Variants in ESF1 observed in about 807,000 individuals in gnomAD.
ESF1 encodes the protein ESF1 homolog.
In ESF1, 58 loss-of-function variants were observed where a neutral mutation model predicts 92.0. The ratio of observed to expected loss-of-function variants is 0.63; its 90% CI spans 0.51 to 0.78. The LOEUF is 0.78. Among genes scored for constraint, ESF1 ranks in the 30% least tolerant of loss-of-function variants. The pLI is 0.00. For missense variants in ESF1, 922 were observed against 989.1 expected, an observed-to-expected ratio of 0.93 and a Z score of 0.91; for synonymous variants, 321 against 313.7, an observed-to-expected ratio of 1.02 and a Z score of -0.24.
intron 9 of ESF1, among the ~76,000 whole-genome samples, chr20:13,752,413 C>T (rs1282831930): frequency 1.3e-5 from 2 of 152,162 alleles, no homozygotes; most frequent in Non-Finnish European, 2.9e-5. Flanking sequence ...TTTTTAAGTT[C>T]AGGTTTTCCA....
intron 10 of ESF1, among the ~76,000 whole-genome samples, chr20:13,729,234 G>A (rs2049925158): frequency 6.6e-6 from 1 of 152,196 alleles, no homozygotes; most frequent in Admixed American, 6.5e-5. Context: ...CTCCAGTCTG[G>A]CGACAGAGCG....
At position 13,766,825 on chromosome 20, in the gene ESF1, A is replaced by C. The variant is rs1979449791; in HGVS notation, c.1618T>G (p.Leu540Val). ...ELLDMDFQAY[L>V]ASSSEDEEEI... Reference sequence around the variant, plus strand: ...TCTTCATCTTCACTAGAGGAAGCTAAGTAGGCTTGAAAATCCATGTCCAAA... The same window carrying C: ...TCTTCATCTTCACTAGAGGAAGCTACGTAGGCTTGAAAATCCATGTCCAAA... Residue 540 changes from leucine to valine, a missense_variant, in exon 8 of 14, where the codon TTA (leucine) becomes GTA (valine). Leu to Val is a conservative substitution (Grantham distance 32). Coordinates refer to ENST00000617257, the MANE Select transcript of ESF1 (RefSeq NM_001276380.2). The C allele has an allele frequency of 6.2e-7, 1 of 1,613,888 alleles. No homozygotes were observed. Among genetic ancestry groups the C allele is most frequent in the East Asian group, 2.2e-5 (1 of 44,806 alleles).
chr20:13,718,388 C>T (rs1485985474), intron 12 of ESF1, among the ~76,000 whole-genome samples: 3 of 152,118 alleles, frequency 2.0e-5, no homozygotes, highest in Admixed American at 6.6e-5. Context: ...TGACTCTGTG[C>T]CAAAATTACG....
chr20:13,766,652 T>C (rs1979439005), intron 8 of ESF1, 125 bp downstream of exon 8: 2 of 822,974 alleles, frequency 2.4e-6, no homozygotes, highest in Non-Finnish European at 3.5e-6. Flanking sequence ...AAAAAATCAA[T>C]CACTATCTAC....
intron 9 of ESF1, among the ~76,000 whole-genome samples, chr20:13,742,653 A>C (rs1189955339): frequency 2.0e-5 from 3 of 152,158 alleles, no homozygotes; most frequent in Admixed American, 2.0e-4. Flanking sequence ...ATGAATATAC[A>C]AACTATAGTA....
rs933009780 is a variant in ESF1 at position 13,733,780 on chromosome 20, G to T, written c.1891C>A (p.Pro631Thr). Reference protein sequence around the residue: ...NKLEGKDKLTPWEQFLEKKKE... With the variant: ...NKLEGKDKLTTWEQFLEKKKE... The stretch of plus-strand genomic sequence containing the variant: ...TTCTTCTCTAAAAATTGTTCCCAAG[G>T]GGTCAGTTTATCCTTTCCTTCCAAT... The change falls in exon 10 of 14, where the codon CCT becomes ACT. Residue 631 changes from proline to threonine, a missense_variant. Coordinates refer to ENST00000617257, the MANE Select transcript of ESF1 (RefSeq NM_001276380.2). 6.2e-7 allele frequency: 1 copy of T among 1,612,576 alleles called. No homozygotes were observed. Among genetic ancestry groups the T allele is most frequent in the African/African-American group, 1.3e-5 (1 of 74,840 alleles).
chr20:13,744,142 T>C (rs1347299102), intron 9 of ESF1, among the ~76,000 whole-genome samples: 1 of 152,222 alleles, frequency 6.6e-6, no homozygotes, highest in Non-Finnish European at 1.5e-5. Context: ...ACTGTCTTAA[T>C]CTATAGATTA....
At chr20:13,722,205 A>G (rs1308145225) in intron 11 of ESF1, among the ~76,000 whole-genome samples, 1 of 152,210 alleles carries the variant, frequency 6.6e-6, no homozygotes, top group East Asian at 1.9e-4. Context: ...GAAGAGTCTT[A>G]AAAATAAACT....
intron 10 of ESF1, among the ~76,000 whole-genome samples, chr20:13,733,359 G>T (rs1165438488): frequency 3.9e-5 from 6 of 152,196 alleles, no homozygotes; most frequent in Admixed American, 3.3e-4. Flanking sequence ...AAACCTCTAT[G>T]TGCATATATC....
intron 9 of ESF1, among the ~76,000 whole-genome samples, chr20:13,748,125 G>A (rs1256712319): frequency 6.6e-6 from 1 of 152,016 alleles, no homozygotes; most frequent in Non-Finnish European, 1.5e-5. Context: ...CGTTATACAG[G>A]GTATGACTGC....
intron 10 of ESF1, among the ~76,000 whole-genome samples, chr20:13,731,194 T>G (rs768157533): frequency 1.3e-5 from 2 of 152,202 alleles, no homozygotes; most frequent in Non-Finnish European, 2.9e-5. Flanking sequence ...ATGACTACTT[T>G]ATTGACCCCA....
intron 9 of ESF1, among the ~76,000 whole-genome samples, chr20:13,743,181 C>G (rs1370664918): frequency 1.3e-5 from 2 of 152,094 alleles, no homozygotes; most frequent in African/African-American, 2.4e-5. Flanking sequence ...AGATGCAAAT[C>G]AAAACCATGA....
intron 4 of ESF1, among the ~76,000 whole-genome samples, chr20:13,772,828 C>A (rs1371909124): frequency 2.0e-5 from 3 of 151,982 alleles, no homozygotes; most frequent in Non-Finnish European, 4.4e-5. Context: ...AGATACGAGG[C>A]TTGGAAACAA....
intron 9 of ESF1, among the ~76,000 whole-genome samples, chr20:13,734,612 TG>T (rs1568713028): frequency 6.6e-6 from 1 of 152,212 alleles, no homozygotes; most frequent in Non-Finnish European, 1.5e-5. Flanking sequence ...GCCCTAAGGC[TG>T]ATCTATCCAT....
intron 9 of ESF1, among the ~76,000 whole-genome samples, chr20:13,745,488 G>A (rs1031765213): frequency 6.6e-6 from 1 of 152,172 alleles, no homozygotes; most frequent in Non-Finnish European, 1.5e-5. Flanking sequence ...GTCTCGCTCT[G>A]TGGCCCAGGC....
chr20:13,753,624 GA>G (rs1375968649), intron 9 of ESF1, among the ~76,000 whole-genome samples: 1 of 151,908 alleles, frequency 6.6e-6, no homozygotes, highest in Non-Finnish European at 1.5e-5. Context: ...ATGATCCTCT[GA>G]ACGTACCTTT....
intron 8 of ESF1, among the ~76,000 whole-genome samples, chr20:13,761,413 T>TAAAAA (rs202029740): frequency 1.4e-5 from 2 of 139,694 alleles, no homozygotes; most frequent in African/African-American, 2.6e-5. Flanking sequence ...TACAAAAAAT[T>TAAAAA]AAAAAAAAAA....
At chr20:13,770,085 T>A in intron 6 of ESF1, 64 bp from the exon 7 acceptor site, 2 of 919,534 alleles carry the variant, frequency 2.2e-6, no homozygotes, top group South Asian at 1.5e-5. Context: ...GTTTAGATTC[T>A]CATCTAATTA....
chr20:13,780,648 GCTATCAAGACCTCTTGGC>G (rs1410621336), intron 2 of ESF1, among the ~76,000 whole-genome samples: 21 of 150,984 alleles, frequency 1.4e-4, no homozygotes, highest in African/African-American at 3.2e-4. Flanking sequence ...GAACTCTTGG[GCTATCAAGACCTCTTGGC>G]CTATCAAGAC....
Sources: gnomAD v4.1 joint callset for allele counts (sites outside exome capture counted in the v4.1 genomes callset) on GRCh38, gnomAD v4.1.1 for gene constraint, MANE v1.5 for transcripts, NCBI Gene and HGNC (gene_info 2026-07-23, HGNC 2026-07-21) for gene names.